Variants in DSP observed in about 807,000 individuals in gnomAD.
DSP encodes 250/210 kDa paraneoplastic pemphigus antigen.
A neutral mutation model predicts 290.6 loss-of-function variants in DSP; 114 were observed. The observed-to-expected ratio is 0.39, with a 90% confidence interval of 0.34 to 0.46. The LOEUF (loss-of-function observed/expected upper bound fraction) is 0.46. Ranked by LOEUF, DSP falls within the 20% of genes least tolerant of loss-of-function variation. The pLI is 0.99. For synonymous variants in DSP, 1,311 were observed against 1,316.4 expected (o/e 1.00, Z 0.09); for missense variants, 3,230 against 3,495.8 (o/e 0.92, Z 1.92).
At position 7,571,482 on chromosome 6, in the gene DSP, G is replaced by A; in HGVS notation, c.1801G>A (p.Gly601Arg). ...AAATAGCCAAGGCTCAGAGATGTTTGGAGATGATGACAAGCGGAAAATACA... is the reference window on the plus strand; with the variant it reads ...AAATAGCCAAGGCTCAGAGATGTTTAGAGATGATGACAAGCGGAAAATACA... Reference protein sequence around the residue: ...IRNSQGSEMFGDDDKRKIQSQ... With the variant: ...IRNSQGSEMFRDDDKRKIQSQ... The change falls in exon 14 of 24, where the codon GGA (glycine) becomes AGA (arginine). Residue 601 changes from glycine to arginine, a missense_variant. This residue lies in a region of DSP where 81 missense variants were observed against 130.5 expected (regional missense o/e 0.62). Coordinates refer to ENST00000379802, the MANE Select transcript of DSP (RefSeq NM_004415.4). 6.2e-7 allele frequency: 1 copy of A among 1,614,202 alleles called. No individual in the cohort carries two copies. Among genetic ancestry groups the A allele is most frequent in the Non-Finnish European group, 8.5e-7 (1 of 1,180,046 alleles).
At chr6:7,554,082 A>AACACACACACACACACACAC (rs10658102) in intron 1 of DSP, among the ~76,000 whole-genome samples, 3,437 of 115,748 alleles carry the variant, frequency 0.03, 109 homozygotes, top group East Asian at 0.043. Context: ...CTTTCTTTAA[A>AACACACACACACACACACAC]ACACACACAC....
At chr6:7,563,094 T>C (rs927517331) in intron 5 of DSP, among the ~76,000 whole-genome samples, 1 of 152,168 alleles carries the variant, frequency 6.6e-6, no homozygotes, top group Non-Finnish European at 1.5e-5. Flanking sequence ...ATAGGGGAAA[T>C]GCAACAGTCT....
Position 7,565,261 on chromosome 6 carries a change from T to TG in DSP, c.778-98_778-97insG, listed in dbSNP as rs1468884598. ...AACATTTTTCCTATCCGTGTGATTTTTTTTTTAAAGGGACCACAGGTTTAA... is the reference window on the plus strand; with the variant it reads ...AACATTTTTCCTATCCGTGTGATTTTGTTTTTTAAAGGGACCACAGGTTTAA... On this transcript the variant is annotated intron_variant, in intron 6 of 23. Transcript: ENST00000379802. This position sits in a 1 kb window ranked among gnomAD's most constrained non-coding sequence, Gnocchi z 4.2. 4 of 1,505,572 alleles carry TG rather than the reference T, an allele frequency of 2.7e-6. No homozygotes were observed. The African/African-American group carries it at 5.5e-5, about 21-fold the overall frequency. 93.3% of individuals were successfully genotyped at this position (1,505,572 alleles called of 1,614,324 possible). A position where few individuals can be genotyped will look rare whatever the true frequency, so the allele number is the denominator to read the frequency against.
chr6:7,547,996 G>A (rs113246700), intron 1 of DSP, among the ~76,000 whole-genome samples: 3,131 of 152,074 alleles, frequency 0.021, 67 homozygotes, highest in African/African-American at 0.058. Flanking sequence ...TCTGCCGGGC[G>A]CGGTGGCTCA....
At position 7,581,251 on chromosome 6, in the gene DSP, G is replaced by A; in HGVS notation, c.5061G>A (p.Lys1687=). The A allele has an allele frequency of 6.2e-7, 1 of 1,614,158 alleles. No individual in the cohort carries two copies. The highest frequency in any genetic ancestry group is 8.5e-7 in the Non-Finnish European group (1 of 1,180,038). Residue 1687 remains lysine, a synonymous_variant, in exon 23 of 24, where the codon AAG becomes AAA. Transcript: ENST00000379802. ...ACTTGAGGAATGAGCATTTCCAGAA[G>A]GCGATAGAAGATAAAAGCAGAAGCT... ...QAHLRNEHFQ[K]AIEDKSRSLN... is the part of the protein sequence containing the mutation.
intron 5 of DSP, 26 bp from the exon 6 acceptor site, chr6:7,563,710 T>A: frequency 6.2e-7 from 1 of 1,602,928 alleles, no homozygotes; most frequent in Non-Finnish European, 8.5e-7. Flanking sequence ...GGGATTTATA[T>A]CTACCTGCTT....
intron 1 of DSP, 36 bp from the exon 2 acceptor site, chr6:7,555,682 A>G: frequency 6.3e-7 from 1 of 1,590,524 alleles, no homozygotes; most frequent in African/African-American, 1.3e-5. Flanking sequence ...GAAATAGGTT[A>G]TTTGATGTCT....
At chr6:7,575,599 T>A in intron 18 of DSP, 111 bp downstream of exon 18, 1 of 1,316,766 alleles carries the variant, frequency 7.6e-7, no homozygotes, top group South Asian at 1.2e-5. Context: ...GTTTTTTGTG[T>A]AAGTTAGGCG....
intron 4 of DSP, 64 bp downstream of exon 4, chr6:7,559,464 C>T (rs1422523890): frequency 2.5e-6 from 4 of 1,600,954 alleles, no homozygotes; most frequent in Non-Finnish European, 3.4e-6. Context: ...ATGGGGTCAG[C>T]CCATGTGTTT....
At chr6:7,554,113 A>G (rs944620742) in intron 1 of DSP, among the ~76,000 whole-genome samples, 67 of 151,518 alleles carry the variant, frequency 4.4e-4, no homozygotes, top group African/African-American at 1.6e-3. Flanking sequence ...ACACACACAC[A>G]CACACACACA....
chr6:7,558,635 C>G (rs1758578383), intron 3 of DSP, among the ~76,000 whole-genome samples: 1 of 151,534 alleles, frequency 6.6e-6, no homozygotes, highest in Non-Finnish European at 1.5e-5. Context: ...CCACTTCAGC[C>G]TATCAAGTAG....
chr6:7,577,321 GTGTT>G lies in DSP; in HGVS notation c.2877+302_2877+305del, dbSNP rs75247317. On this transcript the variant is annotated intron_variant, in intron 20 of 23. Transcript: ENST00000379802. Reference sequence around the variant, plus strand: ...AGATGTACTGCTTGGTTTAATAATGGTGTTTGTTTGTTTGTTTGTTTGTTTGGAG... The same window carrying G: ...AGATGTACTGCTTGGTTTAATAATGGTGTTTGTTTGTTTGTTTGTTTGGAG... Among the ~76,000 whole-genome samples the G allele has an allele frequency of 0.071, 10,762 of 151,920 alleles. 514 individuals carry two copies. Among genetic ancestry groups the G allele is most frequent in the Middle Eastern group, 0.11 (32 of 294 alleles).
rs1009521297 is a variant in DSP, at chr6:7,575,337, A to T, written c.2479A>T (p.Thr827Ser). The T allele has an allele frequency of 2.5e-6, 4 of 1,613,894 alleles. No homozygotes were observed. In the African/African-American group the frequency reaches 4.0e-5, roughly 16 times the overall value. The change falls in exon 18 of 24, where the codon ACT (threonine) becomes TCT (serine). Residue 827 changes from threonine to serine, a missense_variant. Physicochemically the swap from Thr to Ser is moderately conservative, Grantham distance 58 (BLOSUM62 1). Transcript: ENST00000379802. ...GAACTTGAAGAAGTCGTTGTTGGCCACTATGAAGACAGAACTACAGAAAGC... is the reference window on the plus strand; with the variant it reads ...GAACTTGAAGAAGTCGTTGTTGGCCTCTATGAAGACAGAACTACAGAAAGC... ...DLNLKKSLLA[T>S]MKTELQKAQQ...
chr6:7,576,599 TGCCCAGAGGAAA>T, intron 19 of DSP, 143 bp downstream of exon 19: 1 of 1,072,610 alleles, frequency 9.3e-7, no homozygotes. Context: ...GCTTAAAGAA[TGCCCAGAGGAAA>T]AGCAACTGAG....
At chr6:7,577,133 C>G in intron 20 of DSP, 91 bp downstream of exon 20, 1 of 957,444 alleles carries the variant, frequency 1.0e-6, no homozygotes, top group Non-Finnish European at 1.6e-6. Context: ...TATACACTTC[C>G]TGAGGATAGC....
Position 7,571,921 on chromosome 6 carries a change from T to C in DSP, c.1983T>C (p.Asn661=), listed in dbSNP as rs770735715. The C allele has an allele frequency of 7.4e-6, 12 of 1,613,750 alleles. No homozygotes were observed. In the African/African-American group the frequency reaches 1.6e-4, roughly 22 times the overall value. The change falls in exon 15 of 24, where the codon AAT becomes AAC. Residue 661 remains asparagine (N), a synonymous_variant. Transcript: ENST00000379802. ...HNKVIETNRE[N]DKQETWMLME... is the part of the protein sequence containing the mutation. ...AAGTAATTGAAACCAACAGAGAAAA[T>C]GACAAGCAAGAAACATGGATGCTGA... is the stretch of plus-strand genomic sequence containing the variant.
intron 17 of DSP, 124 bp from the exon 18 acceptor site, chr6:7,575,171 A>G (rs2113684769): frequency 1.1e-6 from 1 of 929,932 alleles, no homozygotes; most frequent in Non-Finnish European, 1.7e-6. Flanking sequence ...TTGACTGTTA[A>G]CACTTTAAAT....
At chr6:7,554,127 C>CACACACACACA (rs1171658955) in intron 1 of DSP, among the ~76,000 whole-genome samples, 29 of 23,970 alleles carry the variant, frequency 1.2e-3, no homozygotes, top group African/African-American at 3.4e-3. Context: ...ACACACACAC[C>CACACACACACA]CAGTTGGTTA....
At chr6:7,543,017 A>G (rs1040326395) in intron 1 of DSP, among the ~76,000 whole-genome samples, 1 of 152,006 alleles carries the variant, frequency 6.6e-6, no homozygotes, top group Non-Finnish European at 1.5e-5. Context: ...TGAGAGGGTC[A>G]GCTTCTCCGG....
Sources: gnomAD v4.1 joint callset for allele counts (sites outside exome capture counted in the v4.1 genomes callset) on GRCh38, gnomAD v4.1.1 for gene constraint, gnomAD v4.1.1 regional missense constraint, Gnocchi (gnomAD v3.1) non-coding constraint, MANE v1.5 for transcripts, NCBI Gene and HGNC (gene_info 2026-07-23, HGNC 2026-07-21) for gene names.